The following CDC23 variants were observed in gnomAD, a reference collection of about 807,000 sequenced individuals.
CDC23 encodes the protein cell division cycle protein 23 homolog.
In CDC23, 26 loss-of-function variants were observed where a neutral mutation model predicts 81.7. The observed-to-expected ratio is 0.32, with a 90% CI of 0.23 to 0.44. The LOEUF (loss-of-function observed/expected upper bound fraction) is 0.44, where lower values mean the gene tolerates loss of function less well. Among genes scored for constraint, CDC23 ranks in the 20% least tolerant of loss-of-function variants. The probability of loss-of-function intolerance (pLI) is 1.00; values close to 1 mark genes in which losing one functional copy is unlikely to be tolerated. For synonymous variants in CDC23, 267 were observed against 270.8 expected (o/e 0.99, Z 0.14); for missense variants, 519 against 728.0 (o/e 0.71, Z 3.30).
chr5:138,193,749 A>T (rs978498496), intron 9 of CDC23, among the ~76,000 whole-genome samples: 8 of 152,148 alleles, frequency 5.3e-5, no homozygotes, highest in African/African-American at 1.9e-4. Context: ...ACCTGAGGTC[A>T]GGAGTTCGAG....
chr5:138,206,878 CTTT>C (rs905919467), intron 2 of CDC23, among the ~76,000 whole-genome samples, 194 bp from the exon 3 acceptor site: 4 of 131,014 alleles, frequency 3.1e-5, no homozygotes, highest in Non-Finnish European at 3.2e-5. Context: ...CCATAGAACT[CTTT>C]TTTTTTTTTT....
chr5:138,200,796 G>T (rs1400538073), intron 6 of CDC23: 2 of 249,896 alleles, frequency 8.0e-6, no homozygotes, highest in African/African-American at 4.6e-5. Context: ...CTCCAGCCTA[G>T]ATGAAAGAGC....
intron 12 of CDC23, 143 bp from the exon 13 acceptor site, chr5:138,191,678 C>T: frequency 2.1e-6 from 2 of 946,860 alleles, no homozygotes; most frequent in Non-Finnish European, 3.4e-6. Flanking sequence ...TAGGTCTAGG[C>T]TACACACTGA....
At chr5:138,210,427 G>A (rs1195366241) in intron 2 of CDC23, among the ~76,000 whole-genome samples, 1 of 152,130 alleles carries the variant, frequency 6.6e-6, no homozygotes, top group African/African-American at 2.4e-5. Context: ...TCAGGAGGCT[G>A]AGGAAGGAGA....
At chr5:138,195,234 A>G (rs1754871646) in intron 9 of CDC23, among the ~76,000 whole-genome samples, 1 of 151,668 alleles carries the variant, frequency 6.6e-6, no homozygotes. Context: ...TGGCATGAGA[A>G]CATGTTAACA....
chr5:138,208,370 T>C (rs1372419709), intron 2 of CDC23, among the ~76,000 whole-genome samples: 3 of 152,244 alleles, frequency 2.0e-5, no homozygotes, highest in African/African-American at 7.2e-5. Context: ...CAGTGCTTTC[T>C]TCATTAGATC....
In CDC23 at chr5:138,205,707, A is replaced by C. The variant is rs974023754; in HGVS notation, c.372+840T>G. 2.1e-4 allele frequency among the ~76,000 whole-genome samples: 32 copies of C among 152,184 alleles called. 1 individual carries two copies. Among genetic ancestry groups the C allele is most frequent in the Middle Eastern group, 3.4e-3 (1 of 294 alleles). The stretch of plus-strand genomic sequence containing the variant: ...AAAATGGTAAATTGGAAAAAAAAAA[A>C]AAAAACAAAGATGACTTAAACATAG... On this transcript the variant is annotated intron_variant, in intron 3 of 15. Transcript: ENST00000394886.
At chr5:138,192,202 T>C (rs898332789) in intron 11 of CDC23, 67 bp downstream of exon 11, 32 of 1,592,162 alleles carry the variant, frequency 2.0e-5, no homozygotes, top group Admixed American at 3.5e-5. Context: ...TCAATAGCTA[T>C]CAAAAGAGGA....
At chr5:138,193,085 A>C (rs1754843841) in intron 9 of CDC23, among the ~76,000 whole-genome samples, 1 of 152,100 alleles carries the variant, frequency 6.6e-6, no homozygotes, top group Non-Finnish European at 1.5e-5. Flanking sequence ...ACATGCCACC[A>C]AGCCGGGGTA....
chr5:138,189,856 T>C lies in CDC23; in HGVS notation c.1475A>G (p.Lys492Arg), dbSNP rs1258028187. The change falls in exon 14 of 16, where the codon AAA becomes AGA. Residue 492 changes from lysine to arginine, a missense_variant. Lys to Arg is a conservative substitution (Grantham distance 26). This residue lies in a region of CDC23 where 175 missense variants were observed against 337.8 expected (regional missense o/e 0.52). Transcript: ENST00000394886. Reference sequence around the variant, plus strand: ...ACAGGAATAGATATCTTGGATATATTTGATGTAACACTGGGCAGCCTGTTC... The same window carrying C: ...ACAGGAATAGATATCTTGGATATATCTGATGTAACACTGGGCAGCCTGTTC... ...ESEQAAQCYI[K>R]YIQDIYSCGE... 8 of 1,614,040 alleles carry C rather than the reference T, an allele frequency of 5.0e-6. No individual in the cohort carries two copies. The highest frequency in any genetic ancestry group is 1.7e-5 in the Admixed American group (1 of 60,002).
At position 138,187,669 on chromosome 5, in the gene CDC23, T is replaced by C. The variant is rs1469520001; in HGVS notation, c.*1309A>G. Reference sequence around the variant, plus strand: ...AAGATATTATTGTTCACATTTTTTATTGAATTCCAAATGTAGCAAAATCAT... The same window carrying C: ...AAGATATTATTGTTCACATTTTTTACTGAATTCCAAATGTAGCAAAATCAT... On this transcript the variant is annotated 3_prime_UTR_variant, in exon 16 of 16. Coordinates refer to ENST00000394886, the MANE Select transcript of CDC23 (RefSeq NM_004661.4). 3.4e-5 allele frequency: 11 copies of C among 323,716 alleles called. No homozygotes were observed. The highest frequency in any genetic ancestry group is 6.3e-5 in the Non-Finnish European group (11 of 175,024). 20.1% of individuals were successfully genotyped at this position (323,716 alleles called of 1,614,324 possible). A position where few individuals can be genotyped will look rare whatever the true frequency, so the allele number is the denominator to read the frequency against.
At chr5:138,206,498 A>C in intron 3 of CDC23, 49 bp downstream of exon 3, 1 of 1,604,468 alleles carries the variant, frequency 6.2e-7, no homozygotes. Context: ...TTGGTTCTAA[A>C]TATGGATGTT....
At position 138,192,399 on chromosome 5, in the gene CDC23, G is replaced by T; in HGVS notation, c.1167-11C>A. ...ACCTCAATGGCATGTCTAAGAAATG[G>T]AAAAGACAGGTTGTTAAGAAGGCAG... On this transcript the variant is annotated splice_polypyrimidine_tract_variant and intron_variant, in intron 10 of 15. Coordinates refer to ENST00000394886, the MANE Select transcript of CDC23 (RefSeq NM_004661.4). 1.2e-6 allele frequency: 2 copies of T among 1,614,138 alleles called. No homozygotes were observed. Among genetic ancestry groups the T allele is most frequent in the Non-Finnish European group, 1.7e-6 (2 of 1,180,030 alleles).
At chr5:138,204,969 T>C (rs578037673) in intron 3 of CDC23, among the ~76,000 whole-genome samples, 3 of 151,794 alleles carry the variant, frequency 2.0e-5, no homozygotes, top group Non-Finnish European at 2.9e-5. Flanking sequence ...GGCTGGAGTA[T>C]AGTGGTACAA....
At chr5:138,193,618 T>G in intron 9 of CDC23, among the ~76,000 whole-genome samples, 2 of 145,952 alleles carry the variant, frequency 1.4e-5, no homozygotes, top group African/African-American at 5.1e-5. Flanking sequence ...AAAAAAGAGG[T>G]ATGATTCTGT....
chr5:138,198,872 A>G (rs1754949598), intron 6 of CDC23, 90 bp from the exon 7 acceptor site: 1 of 1,335,004 alleles, frequency 7.5e-7, no homozygotes, highest in Non-Finnish European at 1.0e-6. Flanking sequence ...ATCTAAAGGA[A>G]TTTATCACTA....
chr5:138,198,021 T>G (rs554233399), intron 9 of CDC23, among the ~76,000 whole-genome samples, 178 bp downstream of exon 9: 1 of 152,174 alleles, frequency 6.6e-6, no homozygotes, highest in African/African-American at 2.4e-5. Context: ...TGCAGTGACA[T>G]GATCACAGCT....
chr5:138,206,201 A>G (rs1581489928), intron 3 of CDC23: 1 of 364,822 alleles, frequency 2.7e-6, no homozygotes, highest in Non-Finnish European at 4.8e-6. Context: ...AACAATAAAT[A>G]TACTATAAAC....
At position 138,189,015 on chromosome 5, in the gene CDC23, C is replaced by T; in HGVS notation, c.1757G>A (p.Arg586Lys). The T allele has an allele frequency of 6.2e-7, 1 of 1,613,990 alleles. No individual in the cohort carries two copies. The highest frequency in any genetic ancestry group is 8.5e-7 in the Non-Finnish European group (1 of 1,179,962). The change falls in exon 16 of 16, where the codon AGA becomes AAA. Residue 586 changes from arginine (R) to lysine (K), a missense_variant. Coordinates refer to ENST00000394886, the MANE Select transcript of CDC23 (RefSeq NM_004661.4). ...AGAAGACAAGTTGAGTGGAGAAACT[C>T]TGCGTGTGGGGGTATTGTTAGCAGA... is the stretch of plus-strand genomic sequence containing the variant. The part of the protein sequence containing the change: ...SLSANNTPTR[R>K]VSPLNLSSVT...
Sources: gnomAD v4.1 joint callset for allele counts (sites outside exome capture counted in the v4.1 genomes callset) on GRCh38, gnomAD v4.1.1 for gene constraint, gnomAD v4.1.1 regional missense constraint, MANE v1.5 for transcripts, NCBI Gene and HGNC (gene_info 2026-07-23, HGNC 2026-07-21) for gene names.